SMG5: variants seen among roughly 807,000 people sequenced by gnomAD.
The protein encoded by SMG5 is nonsense-mediated mRNA decay factor SMG5.
Under a neutral mutation model 122.9 loss-of-function variants are expected in SMG5, and 53 were observed. The observed-to-expected ratio is 0.43, with a 90% confidence interval of 0.35 to 0.54. The LOEUF (loss-of-function observed/expected upper bound fraction) is 0.54. Ranked by LOEUF, SMG5 falls within the 20% of genes least tolerant of loss-of-function variation. The pLI is 0.01. For missense variants in SMG5, 1,153 were observed against 1,285.6 expected, an observed-to-expected ratio of 0.90 and a Z score of 1.58; for synonymous variants, 477 against 490.2, an observed-to-expected ratio of 0.97 and a Z score of 0.35.
chr1:156,250,479 C>A lies in SMG5; in HGVS notation c.*108G>T. 1.0e-6 allele frequency: 1 copy of A among 956,120 alleles called. No individual in the cohort carries two copies. Among genetic ancestry groups the A allele is most frequent in the Non-Finnish European group, 1.7e-6 (1 of 597,948 alleles). The allele number at this position is 956,120 out of a possible 1,614,324, so 59.2% of individuals were successfully genotyped here. ...AGCAGCTAGGCCTCCCTCCTGTGTG[C>A]GTGCATGAGTCTGCGTGTGGTGGGG... On this transcript the variant is annotated 3_prime_UTR_variant, in exon 22 of 22. Coordinates refer to ENST00000361813, the MANE Select transcript of SMG5 (RefSeq NM_015327.3).
chr1:156,275,131 T>TTA (rs1553295321), intron 4 of SMG5, among the ~76,000 whole-genome samples: 4 of 86,894 alleles, frequency 4.6e-5, no homozygotes, highest in African/African-American at 9.7e-5. Context: ...TGACGCCAAT[T>TTA]AAAAAAAAAA....
intron 4 of SMG5, among the ~76,000 whole-genome samples, chr1:156,274,911 C>T (rs546813564): frequency 6.6e-6 from 1 of 152,038 alleles, no homozygotes; most frequent in Non-Finnish European, 1.5e-5. Flanking sequence ...ATTCATAGGA[C>T]AGGAAGGAAC....
At chr1:156,267,799 C>G (rs1662224748) in intron 9 of SMG5, 121 bp from the exon 10 acceptor site, 3 of 872,854 alleles carry the variant, frequency 3.4e-6, no homozygotes, top group Admixed American at 5.0e-5. Context: ...TGAGAGCACA[C>G]CAGGGAAGGG....
chr1:156,277,025 A>T, intron 4 of SMG5, 60 bp downstream of exon 4: 1 of 1,559,320 alleles, frequency 6.4e-7, no homozygotes, highest in Non-Finnish European at 8.7e-7. Flanking sequence ...ACCCTGAGGG[A>T]TAAGGCCAGA....
At chr1:156,291,340 C>A in the SMG5 span, 1 of 1,583,586 alleles carries the variant, frequency 6.3e-7, no homozygotes, top group Non-Finnish European at 8.7e-7. Flanking sequence ...AATCAGCTGA[C>A]GCGCTTCCCT....
chr1:156,252,585 C>T, intron 18 of SMG5, 81 bp from the exon 19 acceptor site: 1 of 1,393,028 alleles, frequency 7.2e-7, no homozygotes, highest in Non-Finnish European at 1.0e-6. Context: ...TATCTGAGCT[C>T]ACCTCAGTAC....
At chr1:156,278,069 T>C in intron 2 of SMG5, 21 bp from the exon 3 acceptor site, 8 of 1,612,868 alleles carry the variant, frequency 5.0e-6, no homozygotes, top group Non-Finnish European at 5.9e-6. Flanking sequence ...TAGAGGAGCA[T>C]GAGAGAGACA....
chr1:156,283,942 A>G (rs1210602761), upstream of SMG5, among the ~76,000 whole-genome samples: 1 of 152,220 alleles, frequency 6.6e-6, no homozygotes, highest in Non-Finnish European at 1.5e-5. Flanking sequence ...AAGGGCAGAG[A>G]CCTCAACTGT....
At chr1:156,251,321 C>T (rs756630618) in intron 20 of SMG5, 82 bp downstream of exon 20, 86 of 1,498,714 alleles carry the variant, frequency 5.7e-5, no homozygotes, top group Non-Finnish European at 7.4e-5. Flanking sequence ...AATTATCCAG[C>T]CCTACCCGTT....
chr1:156,274,499 C>T, intron 5 of SMG5, 98 bp downstream of exon 5: 1 of 1,094,358 alleles, frequency 9.1e-7, no homozygotes, highest in Non-Finnish European at 1.4e-6. Flanking sequence ...ACTATCCCTC[C>T]TGCTCTCCAA....
At chr1:156,262,442 C>T (rs1661893428) in intron 13 of SMG5, among the ~76,000 whole-genome samples, 1 of 148,198 alleles carries the variant, frequency 6.7e-6, no homozygotes. Context: ...TGCCACTGCA[C>T]TCCAGCCTGG....
At chr1:156,272,428 AG>A (rs1288667693) in intron 6 of SMG5, 30 bp from the exon 7 acceptor site, 1 of 1,565,206 alleles carries the variant, frequency 6.4e-7, no homozygotes. Flanking sequence ...ATGCAGTCTA[AG>A]GCCACAATAC....
chr1:156,282,527 C>T, intron 1 of SMG5, 80 bp downstream of exon 1: 1 of 1,485,044 alleles, frequency 6.7e-7, no homozygotes, highest in Non-Finnish European at 9.1e-7. Context: ...ACACCCGGGC[C>T]CCGCCCGCCC....
At chr1:156,291,214 C>G in the SMG5 span, 7 of 604,356 alleles carry the variant, frequency 1.2e-5, no homozygotes, top group Middle Eastern at 4.2e-4. Context: ...TAGTAATTAG[C>G]GCTGTGCCTA....
chr1:156,272,306 T>G lies in SMG5; in HGVS notation c.713+14A>C. ...ACAAAAGCAGGGCTGGAAAAAGAGC[T>G]GGCAAATACTCACCAGCGCAGGTAG... is the stretch of plus-strand genomic sequence containing the variant. On this transcript the variant is annotated intron_variant, in intron 7 of 21. Transcript: ENST00000361813. The G allele has an allele frequency of 1.3e-6, 2 of 1,582,706 alleles. No individual in the cohort carries two copies. The highest frequency in any genetic ancestry group is 1.7e-6 in the Non-Finnish European group (2 of 1,161,090).
chr1:156,286,011 C>T (rs576064531), upstream of SMG5: 4 of 1,577,908 alleles, frequency 2.5e-6, no homozygotes, highest in South Asian at 1.2e-5. Flanking sequence ...AAGGGGGCAT[C>T]GGGAAGTGGA....
At chr1:156,285,874 C>T (rs200148935), upstream of SMG5, 14 of 1,613,898 alleles carry the variant, frequency 8.7e-6, no homozygotes, top group African/African-American at 4.0e-5. Flanking sequence ...GCCTACTATA[C>T]GGGGCATATG....
chr1:156,282,393 C>G (rs1662992196), intron 1 of SMG5, among the ~76,000 whole-genome samples: 1 of 152,176 alleles, frequency 6.6e-6, no homozygotes, highest in South Asian at 2.1e-4. Context: ...GGGGATTCCT[C>G]CACGTGCTTC....
At chr1:156,283,084 G>A (rs1663044517), upstream of SMG5, 4 of 393,286 alleles carry the variant, frequency 1.0e-5, no homozygotes, top group South Asian at 8.9e-5. Context: ...ACAGCTAGGA[G>A]CGTGACTGCT....
Sources: allele counts gnomAD v4.1 joint callset (sites outside exome capture counted in the v4.1 genomes callset), GRCh38; gene constraint gnomAD v4.1.1; transcripts MANE v1.5; gene names NCBI Gene and HGNC (gene_info 2026-07-23, HGNC 2026-07-21).